WDFY3: variants seen among roughly 807,000 people sequenced by gnomAD.
WDFY3 encodes the protein WD repeat and FYVE domain containing 3.
In WDFY3, 66 loss-of-function variants were observed where a neutral mutation model predicts 409.6. The observed-to-expected ratio is 0.16, with a 90% CI of 0.13 to 0.20. WDFY3 has a LOEUF of 0.20. WDFY3 is among the 10% of genes least tolerant of loss of function. The pLI is 1.00. For missense variants in WDFY3, 3,031 were observed against 4,298.1 expected (o/e 0.71, Z 8.24); for synonymous variants, 1,521 against 1,537.1 (o/e 0.99, Z 0.25).
At position 84,754,195 on chromosome 4, in the gene WDFY3, G is replaced by A. The variant is rs11944949; in HGVS notation, c.5560-319C>T. On this transcript the variant is annotated intron_variant, in intron 34 of 67. Transcript: ENST00000295888. ...GAGTGTTGGTGGTACCAAAGTGGCT[G>A]TATTACCATTAATGTTGCCCCATCG... 1.5e-3 allele frequency among the ~76,000 whole-genome samples: 235 copies of A among 152,210 alleles called. 2 individuals are homozygous for A. Among genetic ancestry groups the A allele is most frequent in the African/African-American group, 5.4e-3 (223 of 41,526 alleles).
chr4:84,782,185 A>C (rs1357244996), intron 25 of WDFY3, among the ~76,000 whole-genome samples: 2 of 152,214 alleles, frequency 1.3e-5, no homozygotes, highest in East Asian at 3.8e-4. Context: ...TATACTCAGA[A>C]GCTCTAATTT....
chr4:84,689,712 C>G (rs115908235), intron 61 of WDFY3, among the ~76,000 whole-genome samples: 5,269 of 152,264 alleles, frequency 0.035, 95 homozygotes, highest in South Asian at 0.05. Flanking sequence ...GTCTTGACCA[C>G]TCTAACCTGT....
At chr4:84,842,023 C>A (rs565116362) in intron 5 of WDFY3, among the ~76,000 whole-genome samples, 1 of 152,244 alleles carries the variant, frequency 6.6e-6, no homozygotes, top group African/African-American at 2.4e-5. Context: ...AATCACAGAA[C>A]TGCAGACTTG....
At chr4:84,721,043 C>T (rs1283731648) in intron 47 of WDFY3, among the ~76,000 whole-genome samples, 2 of 151,956 alleles carry the variant, frequency 1.3e-5, no homozygotes, top group African/African-American at 2.4e-5. Flanking sequence ...TGGCTGAAGC[C>T]GCTTGTAGGT....
At chr4:84,942,768 CTTA>C (rs1229891170) in intron 1 of WDFY3, among the ~76,000 whole-genome samples, 1 of 152,096 alleles carries the variant, frequency 6.6e-6, no homozygotes, top group African/African-American at 2.4e-5. Flanking sequence ...TCTTTGTCTT[CTTA>C]TTATTGAATT....
intron 3 of WDFY3, among the ~76,000 whole-genome samples, chr4:84,884,373 T>C (rs1429331194): frequency 6.6e-6 from 1 of 152,144 alleles, no homozygotes; most frequent in Non-Finnish European, 1.5e-5. Context: ...TACCATTTAA[T>C]ATACACTTAG....
intron 3 of WDFY3, among the ~76,000 whole-genome samples, chr4:84,862,321 C>T (rs879922732): frequency 2.0e-5 from 3 of 152,208 alleles, no homozygotes; most frequent in African/African-American, 7.2e-5. Flanking sequence ...AGCACACTCT[C>T]AAGTGCCCAA....
chr4:84,860,395 T>C lies in WDFY3; in HGVS notation c.180+17A>G. ...CCCCCAGTCCCGGAAGGTGTGTGTCTGGCAACCTGGACTTACCCTGTTAAA... is the reference window on the plus strand; with the variant it reads ...CCCCCAGTCCCGGAAGGTGTGTGTCCGGCAACCTGGACTTACCCTGTTAAA... On this transcript the variant is annotated intron_variant, in intron 4 of 67. Coordinates refer to ENST00000295888, the MANE Select transcript of WDFY3 (RefSeq NM_014991.6). 1 of 1,602,402 alleles carries C rather than the reference T, an allele frequency of 6.2e-7. No homozygotes were observed. The highest frequency in any genetic ancestry group is 8.5e-7 in the Non-Finnish European group (1 of 1,170,934).
intron 58 of WDFY3, among the ~76,000 whole-genome samples, 161 bp from the exon 59 acceptor site, chr4:84,693,193 A>G (rs1248614177): frequency 1.3e-5 from 2 of 152,238 alleles, no homozygotes; most frequent in African/African-American, 2.4e-5. Context: ...CAAAGACGCT[A>G]TGAAGGTGGC....
chr4:84,947,652 C>G lies in WDFY3; in HGVS notation c.-225-15289G>C, dbSNP rs1579248732. Among the ~76,000 whole-genome samples the G allele has an allele frequency of 3.4e-5, 5 of 146,756 alleles. No homozygotes were observed. The East Asian group carries it at 1.0e-3, about 29-fold the overall frequency. On this transcript the variant is annotated intron_variant, in intron 1 of 67. Transcript: ENST00000295888. ...TGGGAAGCCAAGGCAGTCAAGATCGCTTGAGTCCAGGAGTTCAAGACCAGC... is the reference window on the plus strand; with the variant it reads ...TGGGAAGCCAAGGCAGTCAAGATCGGTTGAGTCCAGGAGTTCAAGACCAGC...
intron 58 of WDFY3, among the ~76,000 whole-genome samples, chr4:84,695,135 G>A: frequency 6.6e-6 from 1 of 152,042 alleles, no homozygotes; most frequent in East Asian, 1.9e-4. Context: ...GGTGCACCCA[G>A]CCCTCCTGCC....
chr4:84,833,688 A>AGAG (rs1756112672), intron 7 of WDFY3, among the ~76,000 whole-genome samples: 31 of 149,610 alleles, frequency 2.1e-4, no homozygotes, highest in African/African-American at 7.5e-4. Context: ...AAAGAAAAGA[A>AGAG]AAGAGAAGAG....
Position 84,677,247 on chromosome 4 carries a change from G to T in WDFY3, c.10409C>A (p.Thr3470Lys). The T allele has an allele frequency of 6.2e-7, 1 of 1,614,210 alleles. No individual in the cohort carries two copies. The highest frequency in any genetic ancestry group is 8.5e-7 in the Non-Finnish European group (1 of 1,180,026). The change falls in exon 67 of 68, where the codon ACA (threonine) becomes AAA (lysine). Residue 3470 changes from threonine (T) to lysine (K), a missense_variant. By Grantham distance (78) the Thr-to-Lys change is moderately conservative. Around this residue, in one of 16 missense-constraint regions of WDFY3, gnomAD observed 378 missense variants for 477.3 expected, o/e 0.79. Coordinates refer to ENST00000295888, the MANE Select transcript of WDFY3 (RefSeq NM_014991.6). ...CSGCSVRFSL[T>K]ERRHHCRNCG... ...GTTCCTGCAATGGTGTCGTCTTTCT[G>T]TGAGTGAAAACCTCACCGAGCAGCC...
chr4:84,946,055 C>T (rs1281444291), intron 1 of WDFY3, among the ~76,000 whole-genome samples: 5 of 152,114 alleles, frequency 3.3e-5, no homozygotes, highest in Non-Finnish European at 7.3e-5. Flanking sequence ...TATTCTCTGG[C>T]AGTGCCGTAC....
chr4:84,939,960 T>C (rs1463424547), intron 1 of WDFY3, among the ~76,000 whole-genome samples: 3 of 152,180 alleles, frequency 2.0e-5, no homozygotes, highest in African/African-American at 7.2e-5. Context: ...TACAAATTTA[T>C]GTACATATGT....
chr4:84,810,458 C>CATTT (rs1752314386), intron 13 of WDFY3, 114 bp from the exon 14 acceptor site: 3 of 938,858 alleles, frequency 3.2e-6, no homozygotes, highest in Non-Finnish European at 4.5e-6. Flanking sequence ...ATGTTTTTAT[C>CATTT]ATTTACCCAA....
At chr4:84,936,098 A>G (rs1322442221) in intron 1 of WDFY3, among the ~76,000 whole-genome samples, 1 of 152,222 alleles carries the variant, frequency 6.6e-6, no homozygotes, top group Non-Finnish European at 1.5e-5. Context: ...AACTGTGTAC[A>G]TTGAAATGCC....
intron 3 of WDFY3, among the ~76,000 whole-genome samples, chr4:84,871,590 T>C (rs989724127): frequency 6.6e-6 from 1 of 152,036 alleles, no homozygotes; most frequent in African/African-American, 2.4e-5. Context: ...GAAAGAACAC[T>C]GGATAAGGAA....
At chr4:84,816,556 T>C (rs1753332049) in intron 13 of WDFY3, among the ~76,000 whole-genome samples, 1 of 152,168 alleles carries the variant, frequency 6.6e-6, no homozygotes, top group Non-Finnish European at 1.5e-5. Context: ...CAATAAATGT[T>C]AGCTACTATT....
Sources: gnomAD v4.1 joint callset for allele counts (sites outside exome capture counted in the v4.1 genomes callset) on GRCh38, gnomAD v4.1.1 for gene constraint, gnomAD v4.1.1 regional missense constraint, MANE v1.5 for transcripts, NCBI Gene and HGNC (gene_info 2026-07-23, HGNC 2026-07-21) for gene names.